DNAH17: variants seen among roughly 807,000 people sequenced by gnomAD.
The protein encoded by DNAH17 is axonemal beta dynein heavy chain 17.
DNAH17 carries 376 observed loss-of-function variants against 485.6 expected under a neutral mutation model. The observed-to-expected ratio is 0.77, with a 90% confidence interval of 0.71 to 0.84. The LOEUF (loss-of-function observed/expected upper bound fraction) is 0.84, where lower values mean the gene tolerates loss of function less well. DNAH17 is among the 40% of genes least tolerant of loss of function. The probability of loss-of-function intolerance (pLI) is 0.00; values close to 1 mark genes in which losing one functional copy is unlikely to be tolerated. For missense variants in DNAH17, 6,370 were observed against 5,839.3 expected (o/e 1.09, Z -2.96); for synonymous variants, 3,031 against 2,405.9 (o/e 1.26, Z -7.60).
chr17:78,570,856 CAA>C (rs60897530), intron 6 of DNAH17, 90 bp downstream of exon 6: 19,304 of 279,954 alleles, frequency 0.069, 11 homozygotes, highest in Middle Eastern at 0.084. Context: ...GACTCCCTCT[CAA>C]AAAAAAAAAA....
chr17:78,451,360 C>G (rs149797588), intron 66 of DNAH17, 109 bp downstream of exon 66: 10,638 of 1,014,820 alleles, frequency 0.01, 66 homozygotes, highest in Non-Finnish European at 0.013. Flanking sequence ...CAGAGAGAAG[C>G]AACGACACAC....
Position 78,445,644 on chromosome 17 carries a change from G to C in DNAH17, c.11248C>G (p.Leu3750Val), listed in dbSNP as rs920387889. 42 of 1,575,354 alleles carry C rather than the reference G, an allele frequency of 2.7e-5. No individual in the cohort carries two copies. The highest frequency in any genetic ancestry group is 3.6e-5 in the Non-Finnish European group (42 of 1,160,540). Residue 3750 changes from leucine (L) to valine (V), a missense_variant, in exon 70 of 81, where the codon CTG becomes GTG. Leu to Val is a conservative substitution (Grantham distance 32, BLOSUM62 1). Transcript: ENST00000389840. ...SMKKELNPVELDFLLRFPFKA... is the reference protein window; with the variant it reads ...SMKKELNPVEVDFLLRFPFKA... Reference sequence around the variant, plus strand: ...AAAGGGAACCGCAGGAGGAAATCCAGCTCCACTGGGTTCAGCTCCTTCTTC... The same window carrying C: ...AAAGGGAACCGCAGGAGGAAATCCACCTCCACTGGGTTCAGCTCCTTCTTC...
At position 78,458,971 on chromosome 17, in the gene DNAH17, T is replaced by C. The variant is rs760295319; in HGVS notation, c.9861+30A>G. 4.3e-6 allele frequency: 7 copies of C among 1,611,952 alleles called. No individual in the cohort carries two copies. The South Asian group carries it at 7.7e-5, about 18-fold the overall frequency. On this transcript the variant is annotated intron_variant, in intron 61 of 80. Coordinates refer to ENST00000389840, the MANE Select transcript of DNAH17 (RefSeq NM_173628.4). ...AGCGCGAGCAAGCGGCTCTGGTGTT[T>C]CGCAGGGACGGGAGCGAGCCGGCAC... is the stretch of plus-strand genomic sequence containing the variant.
rs983034615 is a variant in DNAH17, at chr17:78,572,340, C to G, written c.539+361G>C. On this transcript the variant is annotated intron_variant, in intron 3 of 80. Transcript: ENST00000389840. ...TCCCTCCCACTCCCACTCACTGACC[C>G]TGTCCCACATCTTAAAGCTGTGCCT... is the stretch of plus-strand genomic sequence containing the variant. 2.6e-5 allele frequency among the ~76,000 whole-genome samples: 4 copies of G among 152,200 alleles called. No individual in the cohort carries two copies. In the South Asian group the frequency reaches 6.2e-4, roughly 24 times the overall value.
chr17:78,445,576 T>C lies in DNAH17; in HGVS notation c.11316A>G (p.Gln3772=). 4 of 1,562,478 alleles carry C rather than the reference T, an allele frequency of 2.6e-6. No individual in the cohort carries two copies. Among genetic ancestry groups the C allele is most frequent in the Non-Finnish European group, 3.5e-6 (4 of 1,152,926 alleles). The part of the protein sequence containing the change: ...VVSPVDFLQH[Q]GWGGIKALSE... Reference sequence around the variant, plus strand: ...GACGAACCTTGATCCCGCCCCAGCCTTGATGCTGGAGGAAGTCCACTGGTG... The same window carrying C: ...GACGAACCTTGATCCCGCCCCAGCCCTGATGCTGGAGGAAGTCCACTGGTG... The change falls in exon 70 of 81, where the codon CAA becomes CAG. Residue 3772 remains glutamine (Q), a synonymous_variant. Transcript: ENST00000389840.
rs570465608 is a variant in DNAH17 at position 78,441,658 on chromosome 17, G to A, written c.11529-459C>T. ...GACCCCAATAAGTCTGGGGTCAGTC[G>A]GGGTCTCGGCTAATCCTCCCATGGA... On this transcript the variant is annotated intron_variant, in intron 71 of 80. Transcript: ENST00000389840. Among the ~76,000 whole-genome samples the A allele has an allele frequency of 3.9e-5, 6 of 152,274 alleles. No homozygotes were observed. The East Asian group carries it at 7.7e-4, about 20-fold the overall frequency.
At chr17:78,469,618 C>G (rs1284538616) in intron 54 of DNAH17, among the ~76,000 whole-genome samples, 1 of 152,152 alleles carries the variant, frequency 6.6e-6, no homozygotes, top group Non-Finnish European at 1.5e-5. Flanking sequence ...GCAGGAGACC[C>G]AAAACCTTGA....
intron 14 of DNAH17, among the ~76,000 whole-genome samples, chr17:78,553,301 T>G (rs2091948550): frequency 6.9e-5 from 5 of 72,716 alleles, no homozygotes; most frequent in East Asian, 7.8e-4. Context: ...TTTTTTTTTT[T>G]TTTTTTTTTT....
intron 27 of DNAH17, 123 bp downstream of exon 27, chr17:78,510,261 G>A (rs772162018): frequency 4.3e-6 from 6 of 1,405,134 alleles, no homozygotes; most frequent in Non-Finnish European, 5.8e-6. Flanking sequence ...GGTAAGAAAG[G>A]CCCGCCAGAC....
rs548442147 is a variant in DNAH17 at position 78,454,706 on chromosome 17, C to G, written c.10171-1G>C. 7 of 1,610,994 alleles carry G rather than the reference C, an allele frequency of 4.3e-6. No individual in the cohort carries two copies. Among genetic ancestry groups the G allele is most frequent in the Admixed American group, 3.3e-5 (2 of 59,934 alleles). Reference sequence around the variant, plus strand: ...GGCCATTCGTGATCGGGATGGGGACCTGCCCAGGGAGGCACACTTTCTTAG... The same window carrying G: ...GGCCATTCGTGATCGGGATGGGGACGTGCCCAGGGAGGCACACTTTCTTAG... On this transcript the variant is annotated splice_acceptor_variant, in intron 63 of 80. Transcript: ENST00000389840. LOFTEE classifies it high-confidence loss of function.
intron 31 of DNAH17, among the ~76,000 whole-genome samples, chr17:78,504,710 G>T (rs893538350): frequency 1.3e-5 from 2 of 152,112 alleles, no homozygotes; most frequent in East Asian, 3.9e-4. Flanking sequence ...GAAGGAGCCC[G>T]CCCTGAGCCG....
intron 75 of DNAH17, among the ~76,000 whole-genome samples, chr17:78,432,220 A>T (rs866197550): frequency 1.3e-5 from 2 of 149,322 alleles, no homozygotes; most frequent in Middle Eastern, 3.4e-3. Context: ...AATAAAAATT[A>T]AAAAAAAAAT....
chr17:78,504,556 C>T (rs891637996), intron 31 of DNAH17, among the ~76,000 whole-genome samples: 6 of 147,306 alleles, frequency 4.1e-5, no homozygotes, highest in Admixed American at 2.1e-4. Context: ...CAGGTTTTCT[C>T]GAGATTTTTT....
At chr17:78,474,153 C>G (rs1034682847) in intron 54 of DNAH17, among the ~76,000 whole-genome samples, 20 of 152,246 alleles carry the variant, frequency 1.3e-4, no homozygotes, top group African/African-American at 4.8e-4. Flanking sequence ...CCCAGCATCA[C>G]TGGCTCCAGG....
intron 56 of DNAH17, among the ~76,000 whole-genome samples, chr17:78,466,104 TG>T (rs939781131): frequency 6.6e-6 from 1 of 152,244 alleles, no homozygotes; most frequent in African/African-American, 2.4e-5. Flanking sequence ...TCTTCTGCCT[TG>T]GGATCCTGTT....
chr17:78,476,179 G>A (rs933895484), intron 52 of DNAH17, among the ~76,000 whole-genome samples: 4 of 152,126 alleles, frequency 2.6e-5, no homozygotes, highest in South Asian at 2.1e-4. Context: ...CTGATCTACT[G>A]AGCACTCAAT....
Position 78,552,750 on chromosome 17 carries a change from G to A in DNAH17, c.2234C>T (p.Ala745Val). Reference sequence around the variant, plus strand: ...AGCGCTCAATAACTTGACATCAATTGCTTCCAGTTCTGACTTTATTAGTAG... The same window carrying A: ...AGCGCTCAATAACTTGACATCAATTACTTCCAGTTCTGACTTTATTAGTAG... ...EFLLIKSELE[A>V]IDVKLLSAET... is the part of the protein sequence containing the mutation. The change falls in exon 15 of 81, where the codon GCA becomes GTA. Residue 745 changes from alanine to valine, a missense_variant. Ala to Val is a moderately conservative substitution (Grantham distance 64, BLOSUM62 0). Transcript: ENST00000389840. The A allele has an allele frequency of 6.2e-7, 1 of 1,613,876 alleles. No individual in the cohort carries two copies. The highest frequency in any genetic ancestry group is 8.5e-7 in the Non-Finnish European group (1 of 1,179,812).
intron 69 of DNAH17, 122 bp downstream of exon 69, chr17:78,449,292 G>A: frequency 2.0e-6 from 2 of 995,868 alleles, no homozygotes; most frequent in Non-Finnish European, 3.0e-6. Context: ...TTGCTAAAAT[G>A]CGGGTTTGAA....
In DNAH17 at chr17:78,432,179, AAAATAAAT is replaced by A. The variant is rs569124752; in HGVS notation, c.12225+1842_12225+1849del. The stretch of plus-strand genomic sequence containing the variant: ...CAGTTAACAGTGAGGCCCTGTCTCA[AAAATAAAT>A]AAATAAATAAATAAATAAAATAAAT... On this transcript the variant is annotated intron_variant, in intron 75 of 80. Transcript: ENST00000389840. Among the ~76,000 whole-genome samples, 901 of 149,738 alleles carry A rather than the reference AAAATAAAT, an allele frequency of 6.0e-3. 15 individuals carry two copies. Among genetic ancestry groups the A allele is most frequent in the African/African-American group, 0.021 (865 of 40,586 alleles).
Sources: gnomAD v4.1 joint callset for allele counts (sites outside exome capture counted in the v4.1 genomes callset) on GRCh38, gnomAD v4.1.1 for gene constraint, MANE v1.5 for transcripts, NCBI Gene and HGNC (gene_info 2026-07-23, HGNC 2026-07-21) for gene names.